The following FRMPD4 variants were observed in gnomAD, a reference collection of about 807,000 sequenced individuals.
FRMPD4 encodes the protein FERM and PDZ domain-containing protein 4.
A neutral mutation model predicts 94.1 loss-of-function variants in FRMPD4; 22 were observed. That is an observed-to-expected ratio of 0.23 (90% CI 0.17 to 0.33). The LOEUF is 0.33. Among genes scored for constraint, FRMPD4 ranks in the 10% least tolerant of loss-of-function variants. The pLI is 1.00. For missense variants in FRMPD4, 1,111 were observed against 1,339.9 expected, an observed-to-expected ratio of 0.83 and a Z score of 2.67; for synonymous variants, 631 against 548.6, an observed-to-expected ratio of 1.15 and a Z score of -2.10.
intron 3 of FRMPD4, among the ~76,000 whole-genome samples, chrX:12,007,214 T>C (rs955003040): frequency 1.8e-5 from 2 of 111,203 alleles, no homozygotes; most frequent in Non-Finnish European, 3.8e-5. Flanking sequence ...AAGGACCACA[T>C]TGAGAGTAAC....
At chrX:12,609,006 A>G (rs746472357) in intron 2 of FRMPD4, among the ~76,000 whole-genome samples, 9 of 112,793 alleles carry the variant, frequency 8.0e-5, no homozygotes, top group African/African-American at 2.6e-4. Context: ...TACCAATAAC[A>G]TAACAGTTGA....
intron 3 of FRMPD4, among the ~76,000 whole-genome samples, chrX:11,987,098 T>G (rs58476068): frequency 4.4e-3 from 96 of 21,841 alleles, no homozygotes; most frequent in Non-Finnish European, 5.7e-3. Context: ...AAAGACACAT[T>G]AAAAAAAAAA....
intron 1 of FRMPD4, among the ~76,000 whole-genome samples, chrX:12,183,759 A>G (rs1049298617): frequency 9.0e-6 from 1 of 110,862 alleles, no homozygotes; most frequent in Non-Finnish European, 1.9e-5. Flanking sequence ...GACACTCACA[A>G]TCCATGGCTT....
At chrX:12,302,310 C>A (rs1472097252) in intron 1 of FRMPD4, among the ~76,000 whole-genome samples, 1 of 112,083 alleles carries the variant, frequency 8.9e-6, no homozygotes, top group African/African-American at 3.2e-5. Flanking sequence ...GTCTACCACT[C>A]ACCAACATTT....
chrX:12,548,980 G>C (rs1034392587), intron 2 of FRMPD4, among the ~76,000 whole-genome samples: 1 of 111,633 alleles, frequency 9.0e-6, no homozygotes, highest in Admixed American at 9.6e-5. Flanking sequence ...GAGAGTCACA[G>C]TTTCTGAAGG....
At chrX:12,655,346 G>T (rs765974923) in intron 4 of FRMPD4, among the ~76,000 whole-genome samples, 19 of 111,923 alleles carry the variant, frequency 1.7e-4, no homozygotes, top group Non-Finnish European at 3.2e-4. Context: ...CTATCCCTGT[G>T]TGTGTGTTCC....
At chrX:12,196,524 C>T (rs1287435260) in intron 1 of FRMPD4, among the ~76,000 whole-genome samples, 1 of 110,379 alleles carries the variant, frequency 9.1e-6, no homozygotes, top group Non-Finnish European at 1.9e-5. Flanking sequence ...AGAGACTTCC[C>T]ATCTAGTTAA....
chrX:11,875,775 A>AC (rs1046184385), intron 2 of FRMPD4, among the ~76,000 whole-genome samples: 4 of 106,561 alleles, frequency 3.8e-5, no homozygotes, highest in Non-Finnish European at 5.8e-5. Context: ...TCAGTCACTG[A>AC]CCCCCCTACA....
intron 3 of FRMPD4, among the ~76,000 whole-genome samples, chrX:12,001,405 G>A (rs1407558693): frequency 8.9e-6 from 1 of 112,086 alleles, no homozygotes; most frequent in East Asian, 2.8e-4. Context: ...AACCTTAATC[G>A]AAAATATGAG....
intron 2 of FRMPD4, among the ~76,000 whole-genome samples, chrX:12,602,803 C>T (rs1219418550): frequency 2.7e-5 from 3 of 111,728 alleles, no homozygotes; most frequent in Non-Finnish European, 3.8e-5. Flanking sequence ...CTTGAGAAGG[C>T]CTTCTTGTGA....
intron 1 of FRMPD4, among the ~76,000 whole-genome samples, chrX:12,222,476 A>G (rs933410195): frequency 5.4e-5 from 6 of 112,088 alleles, no homozygotes; most frequent in Non-Finnish European, 9.4e-5. Flanking sequence ...GCTCTCCAAA[A>G]TATTTTGACA....
At chrX:12,515,499 T>C (rs150185248) in intron 2 of FRMPD4, among the ~76,000 whole-genome samples, 1,388 of 111,808 alleles carry the variant, frequency 0.012, 11 homozygotes, top group Middle Eastern at 0.019. Flanking sequence ...AATTGTGTGG[T>C]TTTGAGCGAG....
At chrX:11,832,614 A>G (rs1441302003) in intron 1 of FRMPD4, among the ~76,000 whole-genome samples, 1 of 111,986 alleles carries the variant, frequency 8.9e-6, no homozygotes, top group Non-Finnish European at 1.9e-5. Flanking sequence ...TTTCTACCAA[A>G]TAAATATGTC....
intron 3 of FRMPD4, among the ~76,000 whole-genome samples, chrX:12,099,180 C>G (rs1601937636): frequency 1.8e-5 from 2 of 108,915 alleles, no homozygotes; most frequent in East Asian, 5.9e-4. Context: ...TGTAACTAAC[C>G]TGCACATTGT....
chrX:12,634,951 A>T (rs2059430074), intron 4 of FRMPD4, among the ~76,000 whole-genome samples: 1 of 105,233 alleles, frequency 9.5e-6, no homozygotes, highest in Non-Finnish European at 1.9e-5. Flanking sequence ...CTTCTGCCTC[A>T]GCCTCCCGAG....
chrX:12,290,859 G>A (rs776570511), intron 1 of FRMPD4, among the ~76,000 whole-genome samples: 1 of 45,717 alleles, frequency 2.2e-5, no homozygotes, highest in East Asian at 1.2e-3. Context: ...GAAACATGGA[G>A]GTAATCGGAA....
At chrX:12,000,865 T>G (rs375204177) in intron 3 of FRMPD4, among the ~76,000 whole-genome samples, 1 of 112,426 alleles carries the variant, frequency 8.9e-6, no homozygotes, top group African/African-American at 3.2e-5. Context: ...CCATAAGATT[T>G]TTTTTGAATG....
At chrX:11,988,310 C>A (rs1042768296) in intron 3 of FRMPD4, among the ~76,000 whole-genome samples, 3 of 104,227 alleles carry the variant, frequency 2.9e-5, no homozygotes, top group African/African-American at 1.1e-4. Flanking sequence ...TCATTTTCTA[C>A]AAAGGTGCCA....
exon 1 of FRMPD4, among the ~76,000 whole-genome samples, chrX:11,822,595 G>T (rs1262028441): frequency 8.9e-6 from 1 of 112,495 alleles, no homozygotes; most frequent in African/African-American, 3.2e-5. Context: ...CTCTGGGAAT[G>T]AGATGTAAGC....
Sources: allele counts gnomAD v4.1 joint callset (sites outside exome capture counted in the v4.1 genomes callset), GRCh38; gene constraint gnomAD v4.1.1; transcripts MANE v1.5; gene names NCBI Gene and HGNC (gene_info 2026-07-23, HGNC 2026-07-21).